The following POF1B variants were observed in gnomAD, a reference collection of about 807,000 sequenced individuals.
POF1B encodes POF1B actin binding protein.
In POF1B, 53 loss-of-function variants were observed where a neutral mutation model predicts 55.3. The ratio of observed to expected loss-of-function variants is 0.96; its 90% CI spans 0.77 to 1.20. The LOEUF (loss-of-function observed/expected upper bound fraction) is 1.20. Ranked by LOEUF, POF1B falls within the 50% of genes most tolerant of loss-of-function variation. The pLI is 0.00. For synonymous variants in POF1B, 188 were observed against 148.3 expected (o/e 1.27, Z -1.95); for missense variants, 478 against 420.5 (o/e 1.14, Z -1.20).
chrX:85,289,697 G>A lies in POF1B; in HGVS notation c.1650-7380C>T, dbSNP rs371326431. Among the ~76,000 whole-genome samples the A allele has an allele frequency of 1.4e-4, 16 of 111,569 alleles. No homozygotes were observed. The East Asian group carries it at 3.7e-3, about 26-fold the overall frequency. On this transcript the variant is annotated intron_variant, in intron 15 of 16. Transcript: ENST00000262753. Reference sequence around the variant, plus strand: ...ACCAAGATAAAAAAATCTGAACAGGGACATTAGAAGATAAACAATTTGGAG... The same window carrying A: ...ACCAAGATAAAAAAATCTGAACAGGAACATTAGAAGATAAACAATTTGGAG...
intron 2 of POF1B, among the ~76,000 whole-genome samples, chrX:85,369,069 CTTG>C (rs1247819078): frequency 2.7e-5 from 3 of 111,858 alleles, no homozygotes; most frequent in Non-Finnish European, 5.7e-5. Context: ...TGAATTCTTT[CTTG>C]TTGTTGCTGT....
chrX:85,330,495 A>G (rs1261015051), intron 7 of POF1B, among the ~76,000 whole-genome samples: 1 of 111,784 alleles, frequency 8.9e-6, no homozygotes, highest in African/African-American at 3.2e-5. Context: ...TATGCCATGC[A>G]TTTTTGAGCT....
intron 6 of POF1B, among the ~76,000 whole-genome samples, chrX:85,335,337 T>C (rs1159980522): frequency 1.8e-5 from 2 of 111,511 alleles, no homozygotes; most frequent in Non-Finnish European, 3.8e-5. Flanking sequence ...ATTATACATA[T>C]ATGTCCAGCA....
intron 2 of POF1B, among the ~76,000 whole-genome samples, chrX:85,375,203 CT>C (rs1167325966): frequency 8.9e-6 from 1 of 111,806 alleles, no homozygotes; most frequent in African/African-American, 3.3e-5. Flanking sequence ...GGGATAGCCC[CT>C]GGTCTGAAGA....
intron 6 of POF1B, among the ~76,000 whole-genome samples, chrX:85,339,999 T>G (rs948373361): frequency 3.6e-5 from 4 of 111,122 alleles, no homozygotes; most frequent in African/African-American, 9.8e-5. Flanking sequence ...CAATTGATTC[T>G]GGTGCCCACT....
At chrX:85,284,211 G>A (rs964602195) in intron 15 of POF1B, among the ~76,000 whole-genome samples, 69 of 111,444 alleles carry the variant, frequency 6.2e-4, no homozygotes, top group African/African-American at 2.1e-3. Context: ...AATCAATATC[G>A]TGAAAATGGC....
chrX:85,294,495 T>A (rs776591938), intron 15 of POF1B, among the ~76,000 whole-genome samples: 5 of 112,256 alleles, frequency 4.5e-5, no homozygotes, highest in Non-Finnish European at 7.5e-5. Context: ...TGTTTTCAAT[T>A]CTGCTTATGT....
chrX:85,304,258 T>G (rs1013941313), intron 14 of POF1B, 85 bp downstream of exon 14: 10 of 908,722 alleles, frequency 1.1e-5, no homozygotes, highest in Non-Finnish European at 1.4e-5. Context: ...TGTGTCCTTT[T>G]CTAGTCCATG....
intron 3 of POF1B, among the ~76,000 whole-genome samples, chrX:85,362,620 G>C (rs1161789699): frequency 7.2e-5 from 8 of 111,522 alleles, no homozygotes; most frequent in Non-Finnish European, 1.5e-4. Flanking sequence ...TTGGTTTTTT[G>C]ATGTGCTGCT....
At chrX:85,317,454 T>G (rs1415580177) in intron 7 of POF1B, among the ~76,000 whole-genome samples, 1 of 109,986 alleles carries the variant, frequency 9.1e-6, no homozygotes, top group East Asian at 2.9e-4. Context: ...TTTGACTTTT[T>G]AATAACAACC....
Position 85,314,445 on chromosome X carries a change from C to A in POF1B, c.944G>T (p.Arg315Leu), listed in dbSNP as rs76123916. ...GLSEFTKQQI[R>L]YILQMRGMSD... ...ACCCCAACTCACCTGCAGAATGTAGCGTATTTGCTGTTTTGTAAACTCTGA... is the reference window on the plus strand; with the variant it reads ...ACCCCAACTCACCTGCAGAATGTAGAGTATTTGCTGTTTTGTAAACTCTGA... The change falls in exon 9 of 17, where the codon CGC (arginine) becomes CTC (leucine). Residue 315 changes from arginine (R) to leucine (L), a missense_variant. By Grantham distance (102) the Arg-to-Leu change is moderately radical (BLOSUM62 -2). Transcript: ENST00000262753. The A allele has an allele frequency of 1.4e-5, 17 of 1,194,326 alleles. No individual in the cohort carries two copies. Among genetic ancestry groups the A allele is most frequent in the Non-Finnish European group, 1.9e-5 (17 of 887,185 alleles).
intron 15 of POF1B, among the ~76,000 whole-genome samples, chrX:85,287,956 A>C (rs189219157): frequency 8.9e-6 from 1 of 111,803 alleles, no homozygotes; most frequent in East Asian, 2.8e-4. Flanking sequence ...ACAATTCATC[A>C]TTGTAACAGA....
intron 15 of POF1B, among the ~76,000 whole-genome samples, chrX:85,300,245 G>GA (rs1439709400): frequency 9.0e-6 from 1 of 111,712 alleles, no homozygotes; most frequent in Non-Finnish European, 1.9e-5. Context: ...AAAGACCTGA[G>GA]AAAATCCTGA....
chrX:85,309,899 G>A (rs1284773143), intron 9 of POF1B, among the ~76,000 whole-genome samples: 2 of 112,005 alleles, frequency 1.8e-5, no homozygotes, highest in Non-Finnish European at 3.8e-5. Context: ...CATGCACTGT[G>A]ATGTCAGTTG....
At chrX:85,314,595 T>A in intron 8 of POF1B, 89 bp from the exon 9 acceptor site, 1 of 559,419 alleles carries the variant, frequency 1.8e-6, no homozygotes, top group Non-Finnish European at 2.6e-6. Flanking sequence ...GGGACATATT[T>A]TAGGAATATT....
chrX:85,352,139 TGAAA>T (rs1306954596), intron 4 of POF1B, among the ~76,000 whole-genome samples: 1 of 110,886 alleles, frequency 9.0e-6, no homozygotes, highest in African/African-American at 3.3e-5. Context: ...GTCCAAAATC[TGAAA>T]GAAACTGGGG....
At chrX:85,336,922 A>G (rs1933085756) in intron 6 of POF1B, among the ~76,000 whole-genome samples, 1 of 111,612 alleles carries the variant, frequency 9.0e-6, no homozygotes, top group South Asian at 3.7e-4. Flanking sequence ...GTAGTTTCAT[A>G]GTTTGAGGCA....
chrX:85,360,486 G>T (rs1933587429), intron 3 of POF1B, among the ~76,000 whole-genome samples: 1 of 94,809 alleles, frequency 1.1e-5, no homozygotes, highest in Non-Finnish European at 2.0e-5. Flanking sequence ...CAAAAGACAT[G>T]ATCTCATTCT....
At chrX:85,372,589 G>A (rs1054736623) in intron 2 of POF1B, among the ~76,000 whole-genome samples, 1 of 106,659 alleles carries the variant, frequency 9.4e-6, no homozygotes, top group Admixed American at 1.0e-4. Context: ...TGGGGACCTA[G>A]GGGACGGATA....
Sources: gnomAD v4.1 joint callset for allele counts (sites outside exome capture counted in the v4.1 genomes callset) on GRCh38, gnomAD v4.1.1 for gene constraint, MANE v1.5 for transcripts, NCBI Gene and HGNC (gene_info 2026-07-23, HGNC 2026-07-21) for gene names.